The following DISP3 variants were observed in gnomAD, a reference collection of about 807,000 sequenced individuals.
DISP3 encodes dispatched RND transporter family member 3.
A neutral mutation model predicts 135.3 loss-of-function variants in DISP3; 101 were observed. The ratio of observed to expected loss-of-function variants is 0.75; its 90% confidence interval spans 0.64 to 0.88. DISP3 has a LOEUF of 0.88. Ranked by LOEUF, DISP3 falls within the 40% of genes least tolerant of loss-of-function variation. The pLI is 0.00. For missense variants in DISP3, 1,713 were observed against 1,878.6 expected (o/e 0.91, Z 1.63); for synonymous variants, 856 against 817.0 (o/e 1.05, Z -0.81).
At chr1:11,533,809 A>G in intron 17 of DISP3, 1 of 717,870 alleles carries the variant, frequency 1.4e-6, no homozygotes, top group South Asian at 1.5e-5. Flanking sequence ...CAGATACCTT[A>G]AGAATCTTTT....
At chr1:11,481,886 C>G (rs987846442) in intron 1 of DISP3, 1 of 152,174 alleles carries the variant, frequency 6.6e-6, no homozygotes, top group South Asian at 2.1e-4. Flanking sequence ...CTTAATAGGA[C>G]CAGAGATGTC....
intron 15 of DISP3, among the ~76,000 whole-genome samples, chr1:11,530,442 AT>A (rs1557621934): frequency 6.6e-6 from 1 of 152,132 alleles, no homozygotes. Flanking sequence ...CTTTGCCTTT[AT>A]TAGTCACAGC....
chr1:11,519,331 C>T lies in DISP3; in HGVS notation c.1890-24C>T. On this transcript the variant is annotated intron_variant, in intron 7 of 20. Transcript: ENST00000294484. The surrounding 1 kb of genome is among the most constrained non-coding windows in gnomAD (Gnocchi z 4.3). ...GGGTACCCAGGACCCTCTGGTTCACCCCTGTCCCCTACTCTCTCCACAGCT... is the reference window on the plus strand; with the variant it reads ...GGGTACCCAGGACCCTCTGGTTCACTCCTGTCCCCTACTCTCTCCACAGCT... The T allele has an allele frequency of 5.6e-6, 9 of 1,611,478 alleles. No individual in the cohort carries two copies. The highest frequency in any genetic ancestry group is 3.3e-5 in the South Asian group (3 of 90,824).
At position 11,535,439 on chromosome 1, in the gene DISP3, C is replaced by T. The variant is rs201604535; in HGVS notation, c.3650-39C>T. The T allele has an allele frequency of 1.4e-3, 2,204 of 1,569,318 alleles. 3 individuals carry two copies. The highest frequency in any genetic ancestry group is 1.8e-3 in the Non-Finnish European group (2,057 of 1,155,506). On this transcript the variant is annotated intron_variant, in intron 19 of 20. Transcript: ENST00000294484. Reference sequence around the variant, plus strand: ...CCCTGTTCCTCTGAGGCCTCCAGGGCGGGGGATCCGAGCTGCCCCCCCTGC... The same window carrying T: ...CCCTGTTCCTCTGAGGCCTCCAGGGTGGGGGATCCGAGCTGCCCCCCCTGC...
Position 11,491,274 on chromosome 1 carries a change from A to G in DISP3, c.-3-9716A>G, listed in dbSNP as rs1487274164. Among the ~76,000 whole-genome samples the G allele has an allele frequency of 6.6e-6, 1 of 152,132 alleles. No homozygotes were observed. Among genetic ancestry groups the G allele is most frequent in the Non-Finnish European group, 1.5e-5 (1 of 68,008 alleles). ...AGGGGTTTTCCAAGAATGCTTCTGG[A>G]CCGCCTGTATCAGAATCACCTGGGG... On this transcript the variant is annotated intron_variant, in intron 1 of 20. Coordinates refer to ENST00000294484, the MANE Select transcript of DISP3 (RefSeq NM_020780.2). This position sits in a 1 kb window ranked among gnomAD's most constrained non-coding sequence, Gnocchi z 4.3.
chr1:11,484,612 G>A (rs1041594556), intron 1 of DISP3, among the ~76,000 whole-genome samples: 13 of 152,190 alleles, frequency 8.5e-5, no homozygotes, highest in African/African-American at 2.4e-4. Flanking sequence ...CAGAACTCCC[G>A]GCATGCCCTT....
At chr1:11,480,964 A>T (rs142687985) in intron 1 of DISP3, among the ~76,000 whole-genome samples, 55 of 151,920 alleles carry the variant, frequency 3.6e-4, no homozygotes, top group Non-Finnish European at 5.6e-4. Context: ...TAGTCCAGAC[A>T]CACACATGTA....
chr1:11,502,928 A>G lies in DISP3; in HGVS notation c.1316+31A>G, dbSNP rs373705516. The G allele has an allele frequency of 7.1e-6, 11 of 1,556,326 alleles. No individual in the cohort carries two copies. The South Asian group carries it at 8.1e-5, about 12-fold the overall frequency. Reference sequence around the variant, plus strand: ...AAGTCCAGCTGCATCCTGTGTGTGCATGCCCATTTTTGATTTCCAATTGCC... The same window carrying G: ...AAGTCCAGCTGCATCCTGTGTGTGCGTGCCCATTTTTGATTTCCAATTGCC... On this transcript the variant is annotated intron_variant, in intron 3 of 20. Transcript: ENST00000294484.
At position 11,535,039 on chromosome 1, in the gene DISP3, G is replaced by A; in HGVS notation, c.3564G>A (p.Val1188=). Residue 1188 remains valine, a synonymous_variant, in exon 19 of 21, where the codon GTG becomes GTA. Transcript: ENST00000294484. ...VGVQSALCGL[V]LSLLICVAAV... is the part of the protein sequence containing the mutation. The stretch of plus-strand genomic sequence containing the variant: ...TGCAGAGCGCCCTGTGCGGCCTGGT[G>A]CTATCCCTGCTCATCTGCGTGGCCG... 6.2e-7 allele frequency: 1 copy of A among 1,600,338 alleles called. No homozygotes were observed.
At chr1:11,487,195 T>C (rs1428685650) in intron 1 of DISP3, among the ~76,000 whole-genome samples, 1 of 152,140 alleles carries the variant, frequency 6.6e-6, no homozygotes, top group Non-Finnish European at 1.5e-5. Flanking sequence ...CTTGAAAGAA[T>C]GTCCCCCACC....
chr1:11,488,348 A>G (rs1641093431), intron 1 of DISP3, among the ~76,000 whole-genome samples: 1 of 152,134 alleles, frequency 6.6e-6, no homozygotes. Flanking sequence ...ACCCCACAGC[A>G]AGGGCCTCTG....
In DISP3 at chr1:11,519,847, TG is replaced by T; in HGVS notation, c.2169del (p.Trp723CysfsTer9). 1 of 1,611,870 alleles carries T rather than the reference TG, an allele frequency of 6.2e-7. No homozygotes were observed. The highest frequency in any genetic ancestry group is 8.5e-7 in the Non-Finnish European group (1 of 1,179,842). ...LQELLHHWVL[W>X]SAVKSRWVIV... The stretch of plus-strand genomic sequence containing the variant: ...GGAGCTGCTGCACCACTGGGTCCTG[TG>T]GTCAGCCGTCAAGAGCCGCTGGGTG... On this transcript the variant is annotated frameshift_variant, in exon 9 of 21. Transcript: ENST00000294484. LOFTEE classifies it high-confidence loss of function. The surrounding 1 kb of genome is among the most constrained non-coding windows in gnomAD (Gnocchi z 4.3).
At position 11,526,754 on chromosome 1, in the gene DISP3, C is replaced by A; in HGVS notation, c.2717C>A (p.Thr906Lys). ...AASPSRKWML[T>K]TLACDAKRGW... ...AGCCCCTCCCGCAAGTGGATGCTGA[C>A]GACCTTGGCCTGTGATGCCAAGCGG... Residue 906 changes from threonine to lysine, a missense_variant, in exon 13 of 21, where the codon ACG becomes AAG. Physicochemically the swap from Thr to Lys is moderately conservative, Grantham distance 78. Coordinates refer to ENST00000294484, the MANE Select transcript of DISP3 (RefSeq NM_020780.2). 1 of 1,613,964 alleles carries A rather than the reference C, an allele frequency of 6.2e-7. No homozygotes were observed. The highest frequency in any genetic ancestry group is 8.5e-7 in the Non-Finnish European group (1 of 1,180,040).
At chr1:11,535,235 C>T (rs1273659180) in intron 19 of DISP3, 111 bp downstream of exon 19, 3 of 1,142,528 alleles carry the variant, frequency 2.6e-6, no homozygotes, top group South Asian at 2.9e-5. Context: ...TGTCACATCT[C>T]AGCGGAGGCT....
intron 19 of DISP3, 38 bp from the exon 20 acceptor site, chr1:11,535,440 G>C (rs368199499): frequency 1.3e-5 from 21 of 1,571,770 alleles, no homozygotes; most frequent in Non-Finnish European, 1.7e-5. Context: ...CCTCCAGGGC[G>C]GGGGATCCGA....
Position 11,502,709 on chromosome 1 carries a change from G to A in DISP3, c.1128G>A (p.Glu376=). ...TGGAGCTGGCCATGACTCACCCTGA[G>A]TTCTACTGGTATGTGGATGAGGGCC... ...GSLELAMTHP[E]FYWYVDEGLS... The change falls in exon 3 of 21, where the codon GAG becomes GAA. Residue 376 remains glutamate (E), a synonymous_variant. Coordinates refer to ENST00000294484, the MANE Select transcript of DISP3 (RefSeq NM_020780.2). 7 of 1,614,190 alleles carry A rather than the reference G, an allele frequency of 4.3e-6. No homozygotes were observed. The highest frequency in any genetic ancestry group is 5.9e-6 in the Non-Finnish European group (7 of 1,180,036).
At chr1:11,524,880 C>T (rs1191390280) in intron 11 of DISP3, among the ~76,000 whole-genome samples, 3 of 142,960 alleles carry the variant, frequency 2.1e-5, no homozygotes, top group African/African-American at 8.0e-5. Context: ...ATCTCTGCCA[C>T]CCCATCCCCG....
At chr1:11,484,371 A>G (rs895527906) in intron 1 of DISP3, among the ~76,000 whole-genome samples, 1 of 152,186 alleles carries the variant, frequency 6.6e-6, no homozygotes, top group African/African-American at 2.4e-5. Context: ...ACTAATGCCA[A>G]GGGGGCGGAG....
chr1:11,531,854 T>A lies in DISP3; in HGVS notation c.3375+144T>A. 1 of 1,203,036 alleles carries A rather than the reference T, an allele frequency of 8.3e-7. No homozygotes were observed. Among genetic ancestry groups the A allele is most frequent in the Non-Finnish European group, 1.1e-6 (1 of 892,588 alleles). 74.5% of individuals were successfully genotyped at this position (1,203,036 alleles called of 1,614,324 possible). A position where few individuals can be genotyped will look rare whatever the true frequency, so the allele number is the denominator to read the frequency against. Reference sequence around the variant, plus strand: ...GACTTGCCTGAGGTCACATAGTTAGTGGGTGTCAGTGTCGAGTGTGAAACC... The same window carrying A: ...GACTTGCCTGAGGTCACATAGTTAGAGGGTGTCAGTGTCGAGTGTGAAACC... On this transcript the variant is annotated intron_variant, in intron 17 of 20. Coordinates refer to ENST00000294484, the MANE Select transcript of DISP3 (RefSeq NM_020780.2). This position sits in a 1 kb window ranked among gnomAD's most constrained non-coding sequence, Gnocchi z 5.2.
Sources: allele counts gnomAD v4.1 joint callset (sites outside exome capture counted in the v4.1 genomes callset), GRCh38; gene constraint gnomAD v4.1.1; non-coding constraint Gnocchi (gnomAD v3.1); transcripts MANE v1.5; gene names NCBI Gene and HGNC (gene_info 2026-07-23, HGNC 2026-07-21).